FAM222B: variants seen among roughly 807,000 people sequenced by gnomAD.
FAM222B encodes protein FAM222B.
A neutral mutation model predicts 38.0 loss-of-function variants in FAM222B; 12 were observed. The ratio of observed to expected loss-of-function variants is 0.32; its 90% CI spans 0.20 to 0.51. The LOEUF is 0.51. Among genes scored for constraint, FAM222B ranks in the 20% least tolerant of loss-of-function variants. The pLI is 0.97. For missense variants in FAM222B, 716 were observed against 754.2 expected, an observed-to-expected ratio of 0.95 and a Z score of 0.59; for synonymous variants, 329 against 317.2, an observed-to-expected ratio of 1.04 and a Z score of -0.40.
chr17:28,764,314 A>G (rs571136415), intron 2 of FAM222B, among the ~76,000 whole-genome samples: 2 of 149,612 alleles, frequency 1.3e-5, no homozygotes, highest in Non-Finnish European at 3.0e-5. Flanking sequence ...ATGGTGGCTC[A>G]TGCCTGTAAT....
intron 1 of FAM222B, among the ~76,000 whole-genome samples, chr17:28,798,138 C>A (rs1947706575): frequency 6.6e-6 from 1 of 152,084 alleles, no homozygotes; most frequent in African/African-American, 2.4e-5. Flanking sequence ...CACTGGTAAT[C>A]TCAACACTCT....
chr17:28,764,468 G>T (rs529502014), intron 2 of FAM222B, among the ~76,000 whole-genome samples: 1 of 151,476 alleles, frequency 6.6e-6, no homozygotes, highest in Admixed American at 6.6e-5. Context: ...AATAAAGTGG[G>T]CTGGGTGTGG....
intron 1 of FAM222B, among the ~76,000 whole-genome samples, chr17:28,773,843 AAGACTTCCTCCAGTACTAAG>A (rs2035757829): frequency 6.6e-6 from 1 of 152,090 alleles, no homozygotes; most frequent in Admixed American, 6.5e-5. Context: ...TCCTTTCCAG[AAGACTTCCTCCAGTACTAAG>A]AAAGTCCACA....
intron 1 of FAM222B, among the ~76,000 whole-genome samples, chr17:28,782,354 T>G (rs572617636): frequency 6.6e-6 from 1 of 152,046 alleles, no homozygotes; most frequent in African/African-American, 2.4e-5. Flanking sequence ...AAATCTAATT[T>G]AGGGAAATAA....
intron 1 of FAM222B, among the ~76,000 whole-genome samples, chr17:28,812,630 C>T (rs2037838957): frequency 6.6e-6 from 1 of 152,150 alleles, no homozygotes; most frequent in Non-Finnish European, 1.5e-5. Flanking sequence ...GGACCCGGCC[C>T]GACTCGGCTC....
intron 1 of FAM222B, among the ~76,000 whole-genome samples, chr17:28,767,571 G>C (rs1451441553): frequency 1.3e-5 from 2 of 152,152 alleles, no homozygotes; most frequent in East Asian, 3.9e-4. Context: ...TGACTCCTGA[G>C]TTCAAGCGAT....
intron 2 of FAM222B, 125 bp downstream of exon 2, chr17:28,766,457 TAAAA>T (rs749007741): frequency 2.0e-4 from 117 of 598,530 alleles, no homozygotes; most frequent in Middle Eastern, 2.9e-4. Flanking sequence ...GACTTCGTCT[TAAAA>T]AAAAAAAAAA....
At chr17:28,840,253 A>T (rs551322920) in intron 1 of FAM222B, among the ~76,000 whole-genome samples, 2 of 152,070 alleles carry the variant, frequency 1.3e-5, no homozygotes, top group South Asian at 4.2e-4. Context: ...TGTAATCGCA[A>T]CTACTTGGAG....
chr17:28,820,274 A>G (rs2038164315), intron 1 of FAM222B, among the ~76,000 whole-genome samples: 1 of 152,180 alleles, frequency 6.6e-6, no homozygotes, highest in Non-Finnish European at 1.5e-5. Context: ...TTAGTTCAAC[A>G]GATTCAAATT....
intron 1 of FAM222B, among the ~76,000 whole-genome samples, chr17:28,829,423 C>A (rs565756284): frequency 6.6e-6 from 1 of 152,110 alleles, no homozygotes; most frequent in Non-Finnish European, 1.5e-5. Context: ...CGCCCCAACT[C>A]GGCCTCCCAA....
chr17:28,756,303 AGGGTGG>A lies in FAM222B; in HGVS notation c.*1961_*1966del, dbSNP rs1485119817. 3 of 152,616 alleles carry A rather than the reference AGGGTGG, an allele frequency of 2.0e-5. No individual in the cohort carries two copies. Among genetic ancestry groups the A allele is most frequent in the African/African-American group, 7.2e-5 (3 of 41,430 alleles). The allele number at this position is 152,616 out of a possible 1,614,324, so 9.5% of individuals were successfully genotyped here. A position where few individuals can be genotyped will look rare whatever the true frequency, so the allele number is the denominator to read the frequency against. On this transcript the variant is annotated 3_prime_UTR_variant, in exon 3 of 3. Transcript: ENST00000581407. ...CACAGTACATTTTCCATGCAGACTA[AGGGTGG>A]GAGTGAGAGCTTCAGAGGCTTGCAC...
At chr17:28,815,707 G>T (rs1258129431) in intron 1 of FAM222B, among the ~76,000 whole-genome samples, 1 of 152,076 alleles carries the variant, frequency 6.6e-6, no homozygotes, top group African/African-American at 2.4e-5. Context: ...ACTCACGACT[G>T]TAACTCCAGC....
chr17:28,813,789 G>A (rs1045391927), intron 1 of FAM222B, among the ~76,000 whole-genome samples: 4 of 150,772 alleles, frequency 2.7e-5, no homozygotes, highest in African/African-American at 7.3e-5. Context: ...GTCGTGATCC[G>A]CCCGCCTCGG....
At chr17:28,792,781 A>C (rs1183087206) in intron 1 of FAM222B, among the ~76,000 whole-genome samples, 1 of 72,650 alleles carries the variant, frequency 1.4e-5, no homozygotes, top group Non-Finnish European at 2.9e-5. Context: ...GCCCTATTTC[A>C]AAAAAAAAAA....
chr17:28,774,630 A>G (rs1393985510), intron 1 of FAM222B, among the ~76,000 whole-genome samples: 1 of 152,158 alleles, frequency 6.6e-6, no homozygotes, highest in Non-Finnish European at 1.5e-5. Context: ...AGGTTTTATT[A>G]GAGTTCTGAT....
At chr17:28,775,444 C>A (rs1484270625) in intron 1 of FAM222B, among the ~76,000 whole-genome samples, 2 of 142,112 alleles carry the variant, frequency 1.4e-5, no homozygotes, top group East Asian at 4.2e-4. Flanking sequence ...TCTCTTCTGC[C>A]TTCCTTTCAC....
At chr17:28,801,105 C>A (rs1225367814) in intron 1 of FAM222B, among the ~76,000 whole-genome samples, 1 of 148,774 alleles carries the variant, frequency 6.7e-6, no homozygotes. Context: ...TAAAGTGAGC[C>A]GAGATCGTGC....
intron 1 of FAM222B, among the ~76,000 whole-genome samples, chr17:28,836,082 C>G (rs916451404): frequency 6.6e-6 from 1 of 151,852 alleles, no homozygotes; most frequent in Non-Finnish European, 1.5e-5. Context: ...CTCCGCCTCC[C>G]GTGTTCAAAC....
intron 1 of FAM222B, chr17:28,854,913 T>A: frequency 1.8e-6 from 2 of 1,091,348 alleles, no homozygotes; most frequent in Non-Finnish European, 2.6e-6. Flanking sequence ...CCCGCCCACA[T>A]CCCATGTGTC....
Sources: allele counts gnomAD v4.1 joint callset (sites outside exome capture counted in the v4.1 genomes callset), GRCh38; gene constraint gnomAD v4.1.1; transcripts MANE v1.5; gene names NCBI Gene and HGNC (gene_info 2026-07-23, HGNC 2026-07-21).